Variants in PCDHGB4 observed in about 807,000 individuals in gnomAD.
PCDHGB4 encodes protocadherin gamma-B4.
Under a neutral mutation model 60.5 loss-of-function variants are expected in PCDHGB4, and 38 were observed. The ratio of observed to expected loss-of-function variants is 0.63; its 90% confidence interval spans 0.48 to 0.82. The LOEUF (loss-of-function observed/expected upper bound fraction) is 0.82, where lower values mean the gene tolerates loss of function less well. Among genes scored for constraint, PCDHGB4 ranks in the 40% least tolerant of loss-of-function variants. PCDHGB4 has a pLI of 0.00. For synonymous variants in PCDHGB4, 456 were observed against 509.7 expected (o/e 0.89, Z 1.42); for missense variants, 1,109 against 1,209.6 (o/e 0.92, Z 1.23).
At position 141,491,117 on chromosome 5, in the gene PCDHGB4, G is replaced by A; in HGVS notation, c.2398-3690G>A. ...CTGTTCCTCGTGTCTACACACACTGGTGAGGTGCGCACAGCCCGGGCCTTA... is the reference window on the plus strand; with the variant it reads ...CTGTTCCTCGTGTCTACACACACTGATGAGGTGCGCACAGCCCGGGCCTTA... On this transcript the variant is annotated intron_variant, in intron 1 of 3. Coordinates refer to ENST00000519479, the MANE Select transcript of PCDHGB4 (RefSeq NM_003736.4). The surrounding 1 kb of genome is among the most constrained non-coding windows in gnomAD (Gnocchi z 6.9). 1 of 1,614,196 alleles carries A rather than the reference G, an allele frequency of 6.2e-7. No homozygotes were observed.
intron 1 of PCDHGB4, among the ~76,000 whole-genome samples, chr5:141,474,586 A>G (rs149003643): frequency 6.6e-6 from 1 of 152,222 alleles, no homozygotes; most frequent in Non-Finnish European, 1.5e-5. Flanking sequence ...AGTGTTAAAG[A>G]CATGGAAATA....
At chr5:141,395,398 T>A (rs976008795) in intron 1 of PCDHGB4, 8 of 863,662 alleles carry the variant, frequency 9.3e-6, no homozygotes, top group South Asian at 2.0e-5. Context: ...TGAACTCTAA[T>A]AGTCATAGGT....
chr5:141,432,428 G>C lies in PCDHGB4; in HGVS notation c.2397+42147G>C. 6.2e-7 allele frequency: 1 copy of C among 1,614,232 alleles called. No homozygotes were observed. On this transcript the variant is annotated intron_variant, in intron 1 of 3. Coordinates refer to ENST00000519479, the MANE Select transcript of PCDHGB4 (RefSeq NM_003736.4). The surrounding 1 kb of genome is among the most constrained non-coding windows in gnomAD (Gnocchi z 6.0). ...GAGCCTGTTCGTGCTGGACCAGAAC[G>C]ACAATGCGCCCGAGATCCTGTACCC...
In PCDHGB4 at chr5:141,388,709, C is replaced by T. The variant is rs370023698; in HGVS notation, c.825C>T (p.Ala275=). The T allele has an allele frequency of 1.9e-6, 3 of 1,613,820 alleles. No individual in the cohort carries two copies. Among genetic ancestry groups the T allele is most frequent in the Admixed American group, 3.3e-5 (2 of 60,000 alleles). Reference sequence around the variant, plus strand: ...CGGACCAGGATGAGGGTGTCAATGCCGAGATTACTTTCTCTTTCAGTGAAG... The same window carrying T: ...CGGACCAGGATGAGGGTGTCAATGCTGAGATTACTTTCTCTTTCAGTGAAG... ...TATDQDEGVN[A]EITFSFSEAS... Residue 275 remains alanine (A), a synonymous_variant, in exon 1 of 4, where the codon GCC becomes GCT. Coordinates refer to ENST00000519479, the MANE Select transcript of PCDHGB4 (RefSeq NM_003736.4).
chr5:141,441,813 A>T, intron 1 of PCDHGB4: 1 of 365,242 alleles, frequency 2.7e-6, no homozygotes, highest in South Asian at 2.3e-5. Context: ...GCTGTACCCC[A>T]GCTCTGGAGC....
At chr5:141,415,458 C>G (rs2095871921) in intron 1 of PCDHGB4, 7 of 1,614,204 alleles carry the variant, frequency 4.3e-6, no homozygotes, top group Non-Finnish European at 5.1e-6. Context: ...CCCACGAGGT[C>G]TCTCTCACCG....
rs559975786 is a variant in PCDHGB4, at chr5:141,406,591, A to G, written c.2397+16310A>G. Among the ~76,000 whole-genome samples, 5 of 152,282 alleles carry G rather than the reference A, an allele frequency of 3.3e-5. No homozygotes were observed. The East Asian group carries it at 9.6e-4, about 29-fold the overall frequency. On this transcript the variant is annotated intron_variant, in intron 1 of 3. Transcript: ENST00000519479. ...CTAGTAAACCAATTTTTTCCCTTTAATGGTGAAAGTTGTCACATCTTTTAT... is the reference window on the plus strand; with the variant it reads ...CTAGTAAACCAATTTTTTCCCTTTAGTGGTGAAAGTTGTCACATCTTTTAT...
intron 1 of PCDHGB4, chr5:141,440,868 T>G (rs1288344051): frequency 3.9e-5 from 6 of 152,150 alleles, no homozygotes; most frequent in Non-Finnish European, 1.5e-5. Context: ...ATCTAGGATG[T>G]GTACAGCGTC....
chr5:141,409,056 C>T, intron 1 of PCDHGB4: 2 of 1,613,926 alleles, frequency 1.2e-6, no homozygotes, highest in South Asian at 1.1e-5. Context: ...CGAAGCACTG[C>T]CCAGAGCACA....
rs1370408221 is a variant in PCDHGB4, at chr5:141,388,892, A to G, written c.1008A>G (p.Ile336Met). 6.2e-7 allele frequency: 1 copy of G among 1,613,996 alleles called. No individual in the cohort carries two copies. Among genetic ancestry groups the G allele is most frequent in the Non-Finnish European group, 8.5e-7 (1 of 1,179,854 alleles). The change falls in exon 1 of 4, where the codon ATA (isoleucine) becomes ATG (methionine). Residue 336 changes from isoleucine (I) to methionine (M), a missense_variant. Ile to Met is a conservative substitution (Grantham distance 10). Transcript: ENST00000519479. ...IAQCTVEVEV[I>M]DENDNAPEVI... ...AATGCACAGTGGAGGTAGAAGTCAT[A>G]GATGAAAATGACAACGCCCCAGAAG...
intron 1 of PCDHGB4, chr5:141,404,260 T>G: frequency 6.2e-7 from 1 of 1,613,910 alleles, no homozygotes; most frequent in Non-Finnish European, 8.5e-7. Context: ...CCACAGAAAT[T>G]CACATCACCC....
intron 2 of PCDHGB4, among the ~76,000 whole-genome samples, chr5:141,502,829 C>A (rs1034808123): frequency 2.0e-5 from 3 of 150,428 alleles, no homozygotes; most frequent in African/African-American, 7.4e-5. Context: ...CTTGGGGAAG[C>A]CTGGACTGGC....
chr5:141,423,782 C>A (rs1458189260), intron 1 of PCDHGB4: 2 of 1,243,328 alleles, frequency 1.6e-6, no homozygotes, highest in Non-Finnish European at 1.0e-6. Context: ...ATATTTAGTT[C>A]ATATATATTT....
At chr5:141,465,284 A>C (rs2099100147) in intron 1 of PCDHGB4, among the ~76,000 whole-genome samples, 1 of 152,176 alleles carries the variant, frequency 6.6e-6, no homozygotes, top group African/African-American at 2.4e-5. Flanking sequence ...TTCACCCCTA[A>C]AGAACTGAGA....
intron 1 of PCDHGB4, chr5:141,400,274 G>C: frequency 6.2e-7 from 1 of 1,614,032 alleles, no homozygotes; most frequent in Non-Finnish European, 8.5e-7. Flanking sequence ...CGCTCCTCCA[G>C]CCCTGCCGCC....
At chr5:141,414,629 G>T in intron 1 of PCDHGB4, 1 of 1,614,000 alleles carries the variant, frequency 6.2e-7, no homozygotes. Context: ...GACCCGGACA[G>T]CAAAGAGAAT....
Position 141,490,509 on chromosome 5 carries a change from G to A in PCDHGB4, c.2398-4298G>A. 6.2e-7 allele frequency: 1 copy of A among 1,614,072 alleles called. No individual in the cohort carries two copies. On this transcript the variant is annotated intron_variant, in intron 1 of 3. Transcript: ENST00000519479. The surrounding 1 kb of genome is among the most constrained non-coding windows in gnomAD (Gnocchi z 5.4). ...AGGCCACATCCCACTATATCATCGA[G>A]CTGCTGGCCAGCGATGCTGGTTCAC...
intron 1 of PCDHGB4, among the ~76,000 whole-genome samples, chr5:141,456,640 TG>T (rs1258175023): frequency 6.6e-6 from 1 of 152,130 alleles, no homozygotes; most frequent in Non-Finnish European, 1.5e-5. Flanking sequence ...TTACTACAGG[TG>T]TTAATCCCAA....
chr5:141,467,203 C>T (rs896621746), intron 1 of PCDHGB4, among the ~76,000 whole-genome samples: 1 of 152,052 alleles, frequency 6.6e-6, no homozygotes, highest in African/African-American at 2.4e-5. Flanking sequence ...CAGGCACATG[C>T]CACCATGCCT....
Sources: allele counts gnomAD v4.1 joint callset (sites outside exome capture counted in the v4.1 genomes callset), GRCh38; gene constraint gnomAD v4.1.1; non-coding constraint Gnocchi (gnomAD v3.1); transcripts MANE v1.5; gene names NCBI Gene and HGNC (gene_info 2026-07-23, HGNC 2026-07-21).